SLC25A18: variants seen among roughly 807,000 people sequenced by gnomAD.
SLC25A18 encodes the protein mitochondrial glutamate carrier 2.
In SLC25A18, 24 loss-of-function variants were observed where a neutral mutation model predicts 31.1. That is an observed-to-expected ratio of 0.77 (90% CI 0.56 to 1.08). SLC25A18 has a LOEUF of 1.08. SLC25A18 is among the 50% of genes least tolerant of loss of function. The pLI is 0.00. For missense variants in SLC25A18, 371 were observed against 418.5 expected (o/e 0.89, Z 0.99); for synonymous variants, 173 against 161.9 (o/e 1.07, Z -0.52).
chr22:17,579,537 C>A (rs1481118552), intron 2 of SLC25A18, among the ~76,000 whole-genome samples: 1 of 152,176 alleles, frequency 6.6e-6, no homozygotes, highest in Non-Finnish European at 1.5e-5. Flanking sequence ...TTTCCTCCAG[C>A]CTCAGCAGGC....
intron 3 of SLC25A18, chr22:17,580,742 G>C: frequency 8.6e-7 from 1 of 1,158,604 alleles, no homozygotes; most frequent in Non-Finnish European, 1.1e-6. Flanking sequence ...GGGGAAGCTT[G>C]GGGCAGAGCG....
chr22:17,579,313 CT>C (rs2057312422), intron 2 of SLC25A18, among the ~76,000 whole-genome samples: 1 of 152,134 alleles, frequency 6.6e-6, no homozygotes, highest in Admixed American at 6.6e-5. Context: ...TCTCGAACTC[CT>C]GAGCTCAGGC....
chr22:17,565,173 C>G (rs904680891), intron 1 of SLC25A18, among the ~76,000 whole-genome samples: 37 of 152,126 alleles, frequency 2.4e-4, no homozygotes, highest in Non-Finnish European at 4.1e-4. Flanking sequence ...TCCGCCCCCC[C>G]GGGTTCACGC....
At chr22:17,567,259 C>G (rs2056961330) in intron 1 of SLC25A18, among the ~76,000 whole-genome samples, 1 of 146,226 alleles carries the variant, frequency 6.8e-6, no homozygotes, top group Non-Finnish European at 1.5e-5. Context: ...AGTCCCATCT[C>G]ATAGATGAAC....
Position 17,581,089 on chromosome 22 carries a change from T to C in SLC25A18, c.73T>C (p.Cys25Arg). Reference sequence around the variant, plus strand: ...TGTAGCAGGGCTCGTGGGGGTGACCTGCGTGTTCCCCATCGACTTGGCCAA... The same window carrying C: ...TGTAGCAGGGCTCGTGGGGGTGACCCGCGTGTTCCCCATCGACTTGGCCAA... ...GGVAGLVGVT[C>R]VFPIDLAKTR... Residue 25 changes from cysteine to arginine, a missense_variant, in exon 4 of 11, where the codon TGC becomes CGC. Coordinates refer to ENST00000327451, the MANE Select transcript of SLC25A18 (RefSeq NM_031481.3). The C allele has an allele frequency of 6.4e-7, 1 of 1,569,234 alleles. No homozygotes were observed. Among genetic ancestry groups the C allele is most frequent in the Admixed American group, 1.9e-5 (1 of 52,358 alleles).
intron 5 of SLC25A18, 138 bp downstream of exon 5, chr22:17,581,551 TGGG>T: frequency 1.1e-6 from 1 of 938,144 alleles, no homozygotes; most frequent in Admixed American, 2.3e-5. Context: ...TCTGTGCTCT[TGGG>T]TGGAGACAGA....
At chr22:17,573,524 C>T (rs1420890772) in intron 2 of SLC25A18, among the ~76,000 whole-genome samples, 2 of 152,172 alleles carry the variant, frequency 1.3e-5, no homozygotes, top group African/African-American at 2.4e-5. Context: ...GGAGGACTAG[C>T]CCAAGGCCAG....
intron 2 of SLC25A18, among the ~76,000 whole-genome samples, chr22:17,570,833 C>T (rs1363077538): frequency 6.6e-6 from 1 of 152,168 alleles, no homozygotes; most frequent in Non-Finnish European, 1.5e-5. Context: ...CATGGGGAAG[C>T]AAGTCAGTGT....
At position 17,583,525 on chromosome 22, in the gene SLC25A18, G is replaced by A; in HGVS notation, c.400G>A (p.Gly134Arg). 1 of 1,613,694 alleles carries A rather than the reference G, an allele frequency of 6.2e-7. No homozygotes were observed. Among genetic ancestry groups the A allele is most frequent in the African/African-American group, 1.3e-5 (1 of 75,058 alleles). Residue 134 changes from glycine (G) to arginine (R), a missense_variant, in exon 7 of 11, where the codon GGA (glycine) becomes AGA (arginine). Physicochemically the swap from Gly to Arg is moderately radical, Grantham distance 125 (BLOSUM62 -2). Transcript: ENST00000327451. ...EMLKIQLQDAGRLAVHHQGSA... is the reference protein window; with the variant it reads ...EMLKIQLQDARRLAVHHQGSA... ...GCTCAAGATTCAGCTGCAGGATGCT[G>A]GACGCCTGGGTGAGGCCTGTCCCCA...
In SLC25A18 at chr22:17,584,469, G is replaced by GAGAA. The variant is rs1024411994; in HGVS notation, c.409+957_409+960dup. 7.0e-3 allele frequency among the ~76,000 whole-genome samples: 848 copies of GAGAA among 121,620 alleles called. 8 individuals are homozygous for GAGAA. The highest frequency in any genetic ancestry group is 7.3e-3 in the Non-Finnish European group (436 of 59,624). The allele number at this position is 121,620 out of a possible 152,430, so 79.8% of individuals were successfully genotyped here. A position where few individuals can be genotyped will look rare whatever the true frequency, so the allele number is the denominator to read the frequency against. On this transcript the variant is annotated intron_variant, in intron 7 of 10. Coordinates refer to ENST00000327451, the MANE Select transcript of SLC25A18 (RefSeq NM_031481.3). Reference sequence around the variant, plus strand: ...AAGGAGAGAGAGAGAGAGAGAGAGAGAGAAAGAAAGAAAGAAAGAAAGAAA... The same window carrying GAGAA: ...AAGGAGAGAGAGAGAGAGAGAGAGAGAGAAAGAAAGAAAGAAAGAAAGAAAGAAA...
At chr22:17,580,021 T>A in intron 3 of SLC25A18, 57 bp downstream of exon 3, 2 of 1,541,908 alleles carry the variant, frequency 1.3e-6, no homozygotes. Context: ...GGAGAGTCGC[T>A]GTGGTGATAG....
rs766039745 is a variant in SLC25A18, at chr22:17,568,710, T to C, written c.-263-1214T>C. ...CCGAGTAGCTGGGACTACACGCGCCTGCCACCACGCCTGACTAATTTTTTG... is the reference window on the plus strand; with the variant it reads ...CCGAGTAGCTGGGACTACACGCGCCCGCCACCACGCCTGACTAATTTTTTG... On this transcript the variant is annotated intron_variant, in intron 1 of 10. Coordinates refer to ENST00000327451, the MANE Select transcript of SLC25A18 (RefSeq NM_031481.3). Among the ~76,000 whole-genome samples, 429 of 147,226 alleles carry C rather than the reference T, an allele frequency of 2.9e-3. 3 individuals are homozygous for C. Among genetic ancestry groups the C allele is most frequent in the Non-Finnish European group, 4.2e-3 (276 of 66,176 alleles).
intron 5 of SLC25A18, chr22:17,581,800 C>T: frequency 4.8e-6 from 1 of 206,452 alleles, no homozygotes; most frequent in Non-Finnish European, 9.8e-6. Flanking sequence ...GGGTCCCCAG[C>T]CAGGAGGTAC....
At position 17,590,691 on chromosome 22, in the gene SLC25A18, GAAGTTC is replaced by G. The variant is rs2057690158; in HGVS notation, c.*459_*464del. On this transcript the variant is annotated 3_prime_UTR_variant, in exon 11 of 11. Transcript: ENST00000327451. The stretch of plus-strand genomic sequence containing the variant: ...CTGATTTTGAGGAAAAGGAGGATCA[GAAGTTC>G]AAGGGACCGTGAAAGCCCTCAGAGT... 6.5e-6 allele frequency: 1 copy of G among 154,586 alleles called. No homozygotes were observed. The highest frequency in any genetic ancestry group is 6.3e-5 in the Admixed American group (1 of 15,766). 9.6% of individuals were successfully genotyped at this position (154,586 alleles called of 1,614,324 possible). A position where few individuals can be genotyped will look rare whatever the true frequency, so the allele number is the denominator to read the frequency against.
intron 2 of SLC25A18, among the ~76,000 whole-genome samples, chr22:17,575,045 T>C (rs1164801197): frequency 6.6e-6 from 1 of 151,454 alleles, no homozygotes; most frequent in East Asian, 1.9e-4. Flanking sequence ...AGAGACCGGG[T>C]TTCACCACAT....
At chr22:17,583,703 G>A (rs994520271) in intron 7 of SLC25A18, among the ~76,000 whole-genome samples, 169 bp downstream of exon 7, 20 of 152,108 alleles carry the variant, frequency 1.3e-4, no homozygotes, top group African/African-American at 4.6e-4. Context: ...CAGCACTTTG[G>A]GAGGCCGAGG....
rs183538102 is a variant in SLC25A18 at position 17,573,889 on chromosome 22, C to G, written c.-201+3903C>G. Among the ~76,000 whole-genome samples the G allele has an allele frequency of 1.8e-4, 28 of 152,310 alleles. No individual in the cohort carries two copies. The East Asian group carries it at 5.2e-3, about 28-fold the overall frequency. ...TTGGCCTCTCACTGACTCCCCTCAA[C>G]CCATTCTTCCAGAATAACTGTCCTC... On this transcript the variant is annotated intron_variant, in intron 2 of 10. Coordinates refer to ENST00000327451, the MANE Select transcript of SLC25A18 (RefSeq NM_031481.3).
At chr22:17,589,493 T>G in intron 9 of SLC25A18, 97 bp from the exon 10 acceptor site, 1 of 1,085,022 alleles carries the variant, frequency 9.2e-7, no homozygotes, top group Non-Finnish European at 1.4e-6. Context: ...CAGTTTTATA[T>G]GTGGTGGCTC....
At chr22:17,579,691 T>G in intron 2 of SLC25A18, 54 bp from the exon 3 acceptor site, 1 of 1,307,046 alleles carries the variant, frequency 7.7e-7, no homozygotes. Context: ...AATCCACTAG[T>G]GACGTGCGTC....
Sources: gnomAD v4.1 joint callset for allele counts (sites outside exome capture counted in the v4.1 genomes callset) on GRCh38, gnomAD v4.1.1 for gene constraint, MANE v1.5 for transcripts, NCBI Gene and HGNC (gene_info 2026-07-23, HGNC 2026-07-21) for gene names.